The following PUM2 variants were observed in gnomAD, a reference collection of about 807,000 sequenced individuals.
PUM2 encodes pumilio RNA binding family member 2.
In PUM2, 57 loss-of-function variants were observed where a neutral mutation model predicts 124.5. That is an observed-to-expected ratio of 0.46 (90% CI 0.37 to 0.57). PUM2 has a LOEUF of 0.57. PUM2 is among the 20% of genes least tolerant of loss of function. The pLI, the probability that PUM2 is intolerant of heterozygous loss-of-function variation, is 0.00. For missense variants in PUM2, 1,065 were observed against 1,290.6 expected, an observed-to-expected ratio of 0.83 and a Z score of 2.68; for synonymous variants, 460 against 446.1, an observed-to-expected ratio of 1.03 and a Z score of -0.39.
intron 13 of PUM2, among the ~76,000 whole-genome samples, chr2:20,269,512 C>T (rs1468595312): frequency 6.6e-6 from 1 of 152,014 alleles, no homozygotes; most frequent in African/African-American, 2.4e-5. Context: ...ATACATTTGC[C>T]ATATAAAGAC....
intron 13 of PUM2, among the ~76,000 whole-genome samples, chr2:20,276,625 C>T (rs1670329043): frequency 6.6e-6 from 1 of 151,774 alleles, no homozygotes; most frequent in Admixed American, 6.6e-5. Context: ...TTTTGGACAG[C>T]CTTGCATCAT....
At chr2:20,316,498 T>TAA (rs201238750) in intron 3 of PUM2, among the ~76,000 whole-genome samples, 3 of 142,216 alleles carry the variant, frequency 2.1e-5, no homozygotes, top group Admixed American at 7.0e-5. Context: ...TGTATTAACT[T>TAA]AAAAAAAAAA....
At chr2:20,274,957 C>CAAA (rs774985208) in intron 13 of PUM2, among the ~76,000 whole-genome samples, 961 of 31,422 alleles carry the variant, frequency 0.031, 149 homozygotes, top group African/African-American at 0.1. Context: ...GAAGTATCTC[C>CAAA]AAAAAAAAAA....
intron 2 of PUM2, among the ~76,000 whole-genome samples, chr2:20,322,637 T>C (rs1682647444): frequency 6.6e-6 from 1 of 151,606 alleles, no homozygotes; most frequent in Non-Finnish European, 1.5e-5. Flanking sequence ...ACAATGTCTC[T>C]ACAAAAAATA....
At position 20,318,568 on chromosome 2, in the gene PUM2, A is replaced by T; in HGVS notation, c.129T>A (p.Asp43Glu). The change falls in exon 3 of 21, where the codon GAT becomes GAA. Residue 43 changes from aspartate (D) to glutamate (E), a missense_variant. Around this residue, in one of 3 missense-constraint regions of PUM2, gnomAD observed 90 missense variants for 103.6 expected, o/e 0.87. Coordinates refer to ENST00000361078, the MANE Select transcript of PUM2 (RefSeq NM_015317.5). ...DGQKGIFLGD[D>E]EWRETAWGAS... is the part of the protein sequence containing the mutation. ...CTCCCCATGCAGTCTCTCTCCATTC[A>T]TCATCCCCAAGAAATATGCCTTTTT... 6.2e-7 allele frequency: 1 copy of T among 1,613,578 alleles called. No homozygotes were observed. The highest frequency in any genetic ancestry group is 8.5e-7 in the Non-Finnish European group (1 of 1,179,726).
At chr2:20,340,608 T>C (rs559678578) in intron 1 of PUM2, among the ~76,000 whole-genome samples, 2 of 152,346 alleles carry the variant, frequency 1.3e-5, no homozygotes, top group South Asian at 2.1e-4. Context: ...CAAGGCTGGC[T>C]TGAATTAGTC....
At chr2:20,336,753 TG>T (rs1352395372) in intron 1 of PUM2, among the ~76,000 whole-genome samples, 14 of 8,916 alleles carry the variant, frequency 1.6e-3, no homozygotes, top group Admixed American at 3.3e-3. Flanking sequence ...CTGATCTGTG[TG>T]TGTGTGTGTG....
At chr2:20,350,851 C>A, upstream of PUM2, 8 of 961,222 alleles carry the variant, frequency 8.3e-6, no homozygotes, top group Non-Finnish European at 9.9e-6. Context: ...CCCTCCCCCC[C>A]GCCCACCGGG....
intron 13 of PUM2, among the ~76,000 whole-genome samples, chr2:20,277,422 A>G (rs1670508681): frequency 6.6e-6 from 1 of 152,126 alleles, no homozygotes; most frequent in Non-Finnish European, 1.5e-5. Flanking sequence ...CTCCATTTGA[A>G]TACATTAATT....
rs1011119968 is a variant in PUM2, at chr2:20,274,817, T to TA, written c.1957+3765dup. On this transcript the variant is annotated intron_variant, in intron 13 of 20. Coordinates refer to ENST00000361078, the MANE Select transcript of PUM2 (RefSeq NM_015317.5). ...TTACTATGAGCACAAAGACTGGAGT[T>TA]AAAAAAAATTATCAACACTATATTT... Among the ~76,000 whole-genome samples the TA allele has an allele frequency of 4.6e-5, 7 of 150,628 alleles. No individual in the cohort carries two copies. In the East Asian group the frequency reaches 5.8e-4, roughly 13 times the overall value.
chr2:20,251,955 G>C (rs2148358131), intron 20 of PUM2, among the ~76,000 whole-genome samples: 1 of 152,270 alleles, frequency 6.6e-6, no homozygotes, highest in African/African-American at 2.4e-5. Flanking sequence ...GAAACAGGCA[G>C]AGGCCCCAAA....
At chr2:20,332,299 GT>G (rs1362645683) in intron 1 of PUM2, among the ~76,000 whole-genome samples, 1 of 79,330 alleles carries the variant, frequency 1.3e-5, no homozygotes, top group East Asian at 2.9e-4. Context: ...GTGTGTGTGT[GT>G]GTGTGTGTGT....
intron 1 of PUM2, among the ~76,000 whole-genome samples, chr2:20,345,455 A>G (rs920969459): frequency 1.3e-5 from 2 of 152,142 alleles, no homozygotes; most frequent in East Asian, 3.9e-4. Context: ...AGCATGCTGC[A>G]CTGTAATCAC....
chr2:20,340,507 T>C (rs1310043063), intron 1 of PUM2, among the ~76,000 whole-genome samples: 3 of 152,204 alleles, frequency 2.0e-5, no homozygotes. Flanking sequence ...CACCCCAATT[T>C]TGAGATCACT....
In PUM2 at chr2:20,278,631, G is replaced by T; in HGVS notation, c.1909C>A (p.Pro637Thr). 6.2e-7 allele frequency: 1 copy of T among 1,613,422 alleles called. No homozygotes were observed. Among genetic ancestry groups the T allele is most frequent in the South Asian group, 1.1e-5 (1 of 91,060 alleles). ...CCATGTGATGAAAGTGATGGCGGTGGCGTAAGTGAATGTCCTGGAGTTTGG... is the reference window on the plus strand; with the variant it reads ...CCATGTGATGAAAGTGATGGCGGTGTCGTAAGTGAATGTCCTGGAGTTTGG... Reference protein sequence around the residue: ...PSQTPGHSLTPPPSLSSHGSS... With the variant: ...PSQTPGHSLTTPPSLSSHGSS... The change falls in exon 13 of 21, where the codon CCA becomes ACA. Residue 637 changes from proline (P) to threonine (T), a missense_variant. Coordinates refer to ENST00000361078, the MANE Select transcript of PUM2 (RefSeq NM_015317.5).
chr2:20,295,688 T>C (rs909887690), intron 8 of PUM2, among the ~76,000 whole-genome samples: 2 of 152,130 alleles, frequency 1.3e-5, no homozygotes, highest in Admixed American at 1.3e-4. Context: ...TTATAAAAAA[T>C]ATAAGTTTTG....
intron 1 of PUM2, among the ~76,000 whole-genome samples, chr2:20,340,537 C>T (rs980177162): frequency 1.3e-5 from 2 of 152,246 alleles, no homozygotes; most frequent in South Asian, 4.1e-4. Flanking sequence ...ACACTTACAA[C>T]ACACATCAGA....
chr2:20,333,756 A>T (rs1251550053), intron 1 of PUM2, among the ~76,000 whole-genome samples: 1 of 152,098 alleles, frequency 6.6e-6, no homozygotes, highest in Non-Finnish European at 1.5e-5. Flanking sequence ...TATGGTTTGG[A>T]TCTGTGTCCC....
chr2:20,252,059 CAATT>C (rs1336748298), intron 20 of PUM2, among the ~76,000 whole-genome samples: 3 of 152,130 alleles, frequency 2.0e-5, no homozygotes, highest in Admixed American at 1.3e-4. Flanking sequence ...CTACTTATAA[CAATT>C]AAACAATTAG....
Sources: gnomAD v4.1 joint callset for allele counts (sites outside exome capture counted in the v4.1 genomes callset) on GRCh38, gnomAD v4.1.1 for gene constraint, gnomAD v4.1.1 regional missense constraint, MANE v1.5 for transcripts, NCBI Gene and HGNC (gene_info 2026-07-23, HGNC 2026-07-21) for gene names.